SORCS2: variants seen among roughly 807,000 people sequenced by gnomAD.
The protein encoded by SORCS2 is sortilin related VPS10 domain containing receptor 2.
A neutral mutation model predicts 141.6 loss-of-function variants in SORCS2; 100 were observed. The ratio of observed to expected loss-of-function variants is 0.71; its 90% CI spans 0.60 to 0.83. The LOEUF (loss-of-function observed/expected upper bound fraction) is 0.83, where lower values mean the gene tolerates loss of function less well. Ranked by LOEUF, SORCS2 falls within the 40% of genes least tolerant of loss-of-function variation. SORCS2 has a pLI of 0.00. For synonymous variants in SORCS2, 789 were observed against 676.9 expected, an observed-to-expected ratio of 1.17 and a Z score of -2.57; for missense variants, 1,646 against 1,560.2, an observed-to-expected ratio of 1.05 and a Z score of -0.93.
rs1220862147 is a variant in SORCS2 at position 7,286,797 on chromosome 4, T to C, written c.480+93671T>C. Among the ~76,000 whole-genome samples, 1 of 152,188 alleles carries C rather than the reference T, an allele frequency of 6.6e-6. No individual in the cohort carries two copies. The highest frequency in any genetic ancestry group is 1.5e-5 in the Non-Finnish European group (1 of 68,040). The stretch of plus-strand genomic sequence containing the variant: ...TAACTGAGGCAGACTGGGAGGCGTC[T>C]TGGGTCCCAGACCGTGGAACCTGGG... On this transcript the variant is annotated intron_variant, in intron 1 of 26. Coordinates refer to ENST00000507866, the MANE Select transcript of SORCS2 (RefSeq NM_020777.3). This position sits in a 1 kb window ranked among gnomAD's most constrained non-coding sequence, Gnocchi z 4.1.
intron 2 of SORCS2, among the ~76,000 whole-genome samples, chr4:7,507,973 A>G (rs1273255305): frequency 6.9e-6 from 1 of 145,876 alleles, no homozygotes; most frequent in Non-Finnish European, 1.5e-5. Context: ...TTGAGATGTA[A>G]AATGTAATTG....
At chr4:7,728,833 A>G (rs17466657) in intron 22 of SORCS2, among the ~76,000 whole-genome samples, 50,896 of 152,082 alleles carry the variant, frequency 0.33, 9,925 homozygotes, top group Admixed American at 0.47. Flanking sequence ...TGGACACAAG[A>G]CAGAGAGAAG....
intron 1 of SORCS2, among the ~76,000 whole-genome samples, chr4:7,266,967 A>G (rs1203299121): frequency 1.4e-5 from 2 of 141,964 alleles, no homozygotes; most frequent in Non-Finnish European, 3.1e-5. Flanking sequence ...TGGAAGAATC[A>G]GTGGGGGGTG....
chr4:7,600,968 C>T (rs1454904437), intron 3 of SORCS2, among the ~76,000 whole-genome samples: 1 of 152,194 alleles, frequency 6.6e-6, no homozygotes, highest in African/African-American at 2.4e-5. Context: ...TCACTGCAAC[C>T]TCCATCTCCC....
intron 3 of SORCS2, among the ~76,000 whole-genome samples, chr4:7,631,729 C>T (rs1361868461): frequency 6.6e-6 from 1 of 152,168 alleles, no homozygotes; most frequent in African/African-American, 2.4e-5. Flanking sequence ...CAGTCCCCTC[C>T]AGAATGGGCT....
At chr4:7,594,756 G>T (rs1056322922) in intron 3 of SORCS2, among the ~76,000 whole-genome samples, 1 of 152,060 alleles carries the variant, frequency 6.6e-6, no homozygotes, top group African/African-American at 2.4e-5. Context: ...TCTGGGTCTG[G>T]ACCACGCTTC....
chr4:7,683,854 G>C (rs1437243177), intron 10 of SORCS2, among the ~76,000 whole-genome samples: 1 of 152,224 alleles, frequency 6.6e-6, no homozygotes, highest in Non-Finnish European at 1.5e-5. Context: ...TCTCAAAGTA[G>C]CTGGGACTCT....
intron 3 of SORCS2, among the ~76,000 whole-genome samples, chr4:7,561,748 C>A (rs1365641061): frequency 6.6e-6 from 1 of 151,674 alleles, no homozygotes; most frequent in Non-Finnish European, 1.5e-5. Context: ...CCTACTCATC[C>A]ACCCATCTCT....
chr4:7,678,437 C>G (rs955823706), intron 9 of SORCS2, among the ~76,000 whole-genome samples: 2 of 148,298 alleles, frequency 1.3e-5, no homozygotes, highest in African/African-American at 5.0e-5. Context: ...AACTCTGGAG[C>G]CTGACTGCCC....
chr4:7,501,482 C>G (rs1250406725), intron 2 of SORCS2, among the ~76,000 whole-genome samples: 1 of 150,930 alleles, frequency 6.6e-6, no homozygotes, highest in Non-Finnish European at 1.5e-5. Context: ...TTTTGATGAT[C>G]CAGTTCCAGG....
At chr4:7,602,502 C>T (rs1323738685) in intron 3 of SORCS2, among the ~76,000 whole-genome samples, 12 of 150,706 alleles carry the variant, frequency 8.0e-5, no homozygotes, top group African/African-American at 2.9e-4. Context: ...AGGCGCTCCC[C>T]ACATCTCAGA....
At chr4:7,703,058 A>G (rs1234147794) in intron 12 of SORCS2, among the ~76,000 whole-genome samples, 1 of 152,222 alleles carries the variant, frequency 6.6e-6, no homozygotes, top group Non-Finnish European at 1.5e-5. Context: ...ATAGGGTAGA[A>G]GTTGCTGTCC....
chr4:7,380,240 A>G (rs1178805734), intron 1 of SORCS2, among the ~76,000 whole-genome samples: 2 of 152,196 alleles, frequency 1.3e-5, no homozygotes, highest in Non-Finnish European at 2.9e-5. Flanking sequence ...CTGTCTGAGC[A>G]TAGGGAGCTT....
chr4:7,284,473 G>C (rs1270584393), intron 1 of SORCS2, among the ~76,000 whole-genome samples: 1 of 152,222 alleles, frequency 6.6e-6, no homozygotes, highest in Non-Finnish European at 1.5e-5. Context: ...GCCATTCACT[G>C]TGGGAACCCA....
At chr4:7,724,624 G>A (rs1238597667) in intron 19 of SORCS2, among the ~76,000 whole-genome samples, 1 of 133,224 alleles carries the variant, frequency 7.5e-6, no homozygotes, top group East Asian at 2.4e-4. Flanking sequence ...GGTGAGGATG[G>A]TGATGGTGGT....
At chr4:7,570,067 A>C (rs1278886175) in intron 3 of SORCS2, among the ~76,000 whole-genome samples, 1 of 152,208 alleles carries the variant, frequency 6.6e-6, no homozygotes, top group Non-Finnish European at 1.5e-5. Context: ...CAGGGCCCCC[A>C]TAAATCGGAT....
intron 3 of SORCS2, among the ~76,000 whole-genome samples, chr4:7,625,914 G>A (rs943687013): frequency 3.9e-5 from 6 of 152,232 alleles, no homozygotes; most frequent in Admixed American, 1.3e-4. Context: ...CAAGGCAGGC[G>A]GATTGCTTGG....
intron 3 of SORCS2, among the ~76,000 whole-genome samples, chr4:7,637,454 G>A (rs1483226463): frequency 2.6e-5 from 4 of 152,186 alleles, no homozygotes; most frequent in Admixed American, 2.6e-4. Context: ...TTTTAGACAG[G>A]GTCTTTGAGC....
Position 7,193,054 on chromosome 4 carries a change from C to G in SORCS2, c.408C>G (p.Ser136Arg). 1 of 1,545,238 alleles carries G rather than the reference C, an allele frequency of 6.5e-7. No individual in the cohort carries two copies. Among genetic ancestry groups the G allele is most frequent in the Non-Finnish European group, 8.6e-7 (1 of 1,156,398 alleles). Residue 136 changes from serine to arginine, a missense_variant, in exon 1 of 27, where the codon AGC (serine) becomes AGG (arginine). Transcript: ENST00000507866. This position sits in a 1 kb window ranked among gnomAD's most constrained non-coding sequence, Gnocchi z 4.8. The stretch of plus-strand genomic sequence containing the variant: ...CGCGGGCGCAGGTCTCGCTCATCAG[C>G]ACGTCGTTCGTGCTCAAGGGGGACG... ...VASRAQVSLISTSFVLKGDAT... is the reference protein window; with the variant it reads ...VASRAQVSLIRTSFVLKGDAT...
Sources: allele counts gnomAD v4.1 joint callset (sites outside exome capture counted in the v4.1 genomes callset), GRCh38; gene constraint gnomAD v4.1.1; non-coding constraint Gnocchi (gnomAD v3.1); transcripts MANE v1.5; gene names NCBI Gene and HGNC (gene_info 2026-07-23, HGNC 2026-07-21).